GALNT13: variants seen among roughly 807,000 people sequenced by gnomAD.
The protein encoded by GALNT13 is UDP-GalNAc:polypeptide N-acetylgalactosaminyltransferase 13.
In GALNT13, 28 loss-of-function variants were observed where a neutral mutation model predicts 64.2. The observed-to-expected ratio is 0.44, with a 90% CI of 0.32 to 0.60. The LOEUF (loss-of-function observed/expected upper bound fraction) is 0.60. Ranked by LOEUF, GALNT13 falls within the 20% of genes least tolerant of loss-of-function variation. The pLI, the probability that GALNT13 is intolerant of heterozygous loss-of-function variation, is 0.05. For missense variants in GALNT13, 577 were observed against 669.8 expected, an observed-to-expected ratio of 0.86 and a Z score of 1.53; for synonymous variants, 214 against 224.6, an observed-to-expected ratio of 0.95 and a Z score of 0.42.
intron 3 of GALNT13, among the ~76,000 whole-genome samples, chr2:153,996,441 G>A (rs1031234127): frequency 1.3e-5 from 2 of 151,950 alleles, no homozygotes; most frequent in African/African-American, 2.4e-5. Context: ...GTTGTTAAGC[G>A]TTTTTATCCT....
the GALNT13 span, among the ~76,000 whole-genome samples, chr2:153,805,274 C>T: frequency 6.6e-6 from 1 of 151,748 alleles, no homozygotes; most frequent in Non-Finnish European, 1.5e-5. Context: ...CAATAAGTAA[C>T]ATATAATGAA....
intron 8 of GALNT13, among the ~76,000 whole-genome samples, chr2:154,269,925 T>TATATATATATATA (rs1421612508): frequency 1.4e-5 from 2 of 139,228 alleles, no homozygotes; most frequent in African/African-American, 2.7e-5. Flanking sequence ...TATATATATA[T>TATATATATATATA]TTCTAAAGCA....
intron 1 of GALNT13, among the ~76,000 whole-genome samples, chr2:153,878,880 G>A (rs554980225): frequency 6.6e-6 from 1 of 152,268 alleles, no homozygotes; most frequent in South Asian, 2.1e-4. Flanking sequence ...AATACTGGTG[G>A]AGTGTGTGAA....
At chr2:154,083,567 T>G (rs1480641552) in intron 3 of GALNT13, among the ~76,000 whole-genome samples, 1 of 152,010 alleles carries the variant, frequency 6.6e-6, no homozygotes, top group Non-Finnish European at 1.5e-5. Context: ...TTTCATTTGT[T>G]TGGGTCCTCT....
chr2:154,251,645 T>G (rs1314860183), intron 7 of GALNT13, among the ~76,000 whole-genome samples: 1 of 152,160 alleles, frequency 6.6e-6, no homozygotes, highest in Admixed American at 6.6e-5. Context: ...GAAAGCCACA[T>G]CTTCATACCC....
At chr2:153,265,473 G>T in the GALNT13 span, among the ~76,000 whole-genome samples, 1 of 152,182 alleles carries the variant, frequency 6.6e-6, no homozygotes, top group Non-Finnish European at 1.5e-5. Context: ...CCAATGCAAA[G>T]TTCCACAACC....
chr2:154,320,635 A>G (rs1221765145), intron 9 of GALNT13, among the ~76,000 whole-genome samples: 2 of 152,176 alleles, frequency 1.3e-5, no homozygotes, highest in African/African-American at 4.8e-5. Context: ...GTTTTATTGT[A>G]GAGTCACTGA....
At chr2:153,438,512 G>T in the GALNT13 span, among the ~76,000 whole-genome samples, 1 of 151,798 alleles carries the variant, frequency 6.6e-6, no homozygotes, top group East Asian at 1.9e-4. Context: ...TTTCTTGGAG[G>T]CTTTGTTCAT....
the GALNT13 span, among the ~76,000 whole-genome samples, chr2:153,097,929 G>A: frequency 2.2e-4 from 33 of 152,236 alleles, no homozygotes; most frequent in South Asian, 4.4e-3. Flanking sequence ...AGCTGGGCGT[G>A]GTCGTGGGCA....
rs1461458309 is a variant in GALNT13, at chr2:154,123,782, A to ATAAT, written c.143-16553_143-16550dup. On this transcript the variant is annotated intron_variant, in intron 3 of 12. Transcript: ENST00000392825. Reference sequence around the variant, plus strand: ...AAGGGAATCAGGCACAAAAGGCTGTATAATTCTATGTGTACAAATGCGAGA... The same window carrying ATAAT: ...AAGGGAATCAGGCACAAAAGGCTGTATAATTAATTCTATGTGTACAAATGCGAGA... Among the ~76,000 whole-genome samples, 10 of 152,190 alleles carry ATAAT rather than the reference A, an allele frequency of 6.6e-5. No homozygotes were observed. The East Asian group carries it at 9.6e-4, about 15-fold the overall frequency.
the GALNT13 span, among the ~76,000 whole-genome samples, chr2:153,320,043 A>G: frequency 1.7e-4 from 26 of 152,160 alleles, no homozygotes; most frequent in Non-Finnish European, 3.7e-4. Context: ...GGATCTTTTT[A>G]AAAAATACAT....
At chr2:153,749,971 A>G in the GALNT13 span, among the ~76,000 whole-genome samples, 1 of 151,868 alleles carries the variant, frequency 6.6e-6, no homozygotes, top group South Asian at 2.1e-4. Context: ...GGCCTGTCAT[A>G]TATTGCTTTT....
chr2:153,361,730 G>C, the GALNT13 span, among the ~76,000 whole-genome samples: 1 of 152,106 alleles, frequency 6.6e-6, no homozygotes, highest in African/African-American at 2.4e-5. Flanking sequence ...TATGTAAAAA[G>C]ACCAAACCTA....
intron 4 of GALNT13, among the ~76,000 whole-genome samples, chr2:154,206,852 C>G (rs530500032): frequency 6.6e-6 from 1 of 151,636 alleles, no homozygotes; most frequent in Non-Finnish European, 1.5e-5. Context: ...AGTCTAAGGT[C>G]AAGAACATGG....
chr2:154,145,444 G>A (rs927433418), intron 4 of GALNT13, among the ~76,000 whole-genome samples: 5 of 151,736 alleles, frequency 3.3e-5, no homozygotes, highest in African/African-American at 1.2e-4. Context: ...ATGCCATTTT[G>A]TTTGGCTTTT....
the GALNT13 span, among the ~76,000 whole-genome samples, chr2:153,310,195 A>T: frequency 6.6e-6 from 1 of 152,214 alleles, no homozygotes; most frequent in African/African-American, 2.4e-5. Context: ...GAGAAAAGTT[A>T]GTTTAAAAAA....
the GALNT13 span, among the ~76,000 whole-genome samples, chr2:153,451,676 G>T: frequency 6.6e-6 from 1 of 152,114 alleles, no homozygotes; most frequent in Non-Finnish European, 1.5e-5. Flanking sequence ...TTTTTGTTTT[G>T]AACTAAAACG....
At chr2:153,206,133 A>C in the GALNT13 span, among the ~76,000 whole-genome samples, 1 of 152,136 alleles carries the variant, frequency 6.6e-6, no homozygotes, top group Non-Finnish European at 1.5e-5. Context: ...AGCCAAAAGT[A>C]CAGAGCCTGG....
chr2:154,412,842 C>T (rs2105401960), intron 11 of GALNT13, among the ~76,000 whole-genome samples: 1 of 151,834 alleles, frequency 6.6e-6, no homozygotes, highest in South Asian at 2.1e-4. Flanking sequence ...TAAAAACTGT[C>T]TTACTCAAAG....
Sources: gnomAD v4.1 joint callset for allele counts (sites outside exome capture counted in the v4.1 genomes callset) on GRCh38, gnomAD v4.1.1 for gene constraint, MANE v1.5 for transcripts, NCBI Gene and HGNC (gene_info 2026-07-23, HGNC 2026-07-21) for gene names.